DNM3: variants seen among roughly 807,000 people sequenced by gnomAD.
The protein encoded by DNM3 is dynamin 3.
DNM3 carries 47 observed loss-of-function variants against 101.6 expected under a neutral mutation model. That is an observed-to-expected ratio of 0.46 (90% CI 0.37 to 0.59). The LOEUF is 0.59. Ranked by LOEUF, DNM3 falls within the 20% of genes least tolerant of loss-of-function variation. The probability of loss-of-function intolerance (pLI) is 0.00; values close to 1 mark genes in which losing one functional copy is unlikely to be tolerated. For synonymous variants in DNM3, 385 were observed against 387.9 expected (o/e 0.99, Z 0.09); for missense variants, 849 against 1,085.7 (o/e 0.78, Z 3.06).
intron 18 of DNM3, among the ~76,000 whole-genome samples, chr1:172,383,900 A>C (rs2069052612): frequency 6.6e-6 from 1 of 152,216 alleles, no homozygotes; most frequent in Admixed American, 6.5e-5. Context: ...TATAGGTTAT[A>C]AGGTGTTATA....
chr1:171,991,204 A>C (rs2045606717), intron 4 of DNM3, among the ~76,000 whole-genome samples: 1 of 152,176 alleles, frequency 6.6e-6, no homozygotes, highest in African/African-American at 2.4e-5. Flanking sequence ...TCTGCAGCAG[A>C]CATCAGCTAG....
intron 15 of DNM3, among the ~76,000 whole-genome samples, chr1:172,283,703 T>C (rs2063576116): frequency 7.3e-6 from 1 of 137,798 alleles, no homozygotes. Flanking sequence ...GAGGTTGCAG[T>C]GAGCTGAGAT....
At chr1:172,228,529 T>C (rs2061220805) in intron 14 of DNM3, among the ~76,000 whole-genome samples, 1 of 152,156 alleles carries the variant, frequency 6.6e-6, no homozygotes. Context: ...TACTTTTGTT[T>C]TCTTTGGTTA....
intron 1 of DNM3, among the ~76,000 whole-genome samples, chr1:171,881,276 A>G (rs1488324162): frequency 6.6e-6 from 1 of 152,168 alleles, no homozygotes; most frequent in Non-Finnish European, 1.5e-5. Flanking sequence ...CCTTTTTAGG[A>G]CATAGTTAAA....
chr1:172,163,944 C>CAT (rs2058648121), intron 14 of DNM3, among the ~76,000 whole-genome samples: 1 of 132,606 alleles, frequency 7.5e-6, no homozygotes, highest in South Asian at 2.4e-4. Context: ...TATACACATG[C>CAT]ATACATATAT....
intron 14 of DNM3, among the ~76,000 whole-genome samples, chr1:172,135,756 T>C (rs539161921): frequency 6.6e-6 from 1 of 152,192 alleles, no homozygotes; most frequent in Non-Finnish European, 1.5e-5. Flanking sequence ...AAAATCAGAC[T>C]TGAAAAAAAT....
At chr1:172,353,032 T>C (rs1391245472) in intron 17 of DNM3, among the ~76,000 whole-genome samples, 1 of 152,110 alleles carries the variant, frequency 6.6e-6, no homozygotes, top group Non-Finnish European at 1.5e-5. Flanking sequence ...AATCCCCACC[T>C]CAAGGTATTC....
Position 172,407,809 on chromosome 1 carries a change from A to G in DNM3, c.2560A>G (p.Ile854Val), listed in dbSNP as rs773860682. 16 of 1,613,236 alleles carry G rather than the reference A, an allele frequency of 9.9e-6. No individual in the cohort carries two copies. Among genetic ancestry groups the G allele is most frequent in the Non-Finnish European group, 1.3e-5 (15 of 1,179,352 alleles). The change falls in exon 21 of 21, where the codon ATC becomes GTC. Residue 854 changes from isoleucine (I) to valine (V), a missense_variant. Physicochemically the swap from Ile to Val is conservative, Grantham distance 29. This residue lies in a region of DNM3 where 256 missense variants were observed against 311.7 expected (regional missense o/e 0.82). Coordinates refer to ENST00000627582, the MANE Select transcript of DNM3 (RefSeq NM_015569.5). Reference protein sequence around the residue: ...PPPSPTRPTIIRPLESSLLD With the variant: ...PPPSPTRPTIVRPLESSLLD ...CCCATCACCAACTCGTCCCACTATAATCCGCCCACTAGAATCCTCCCTGTT... is the reference window on the plus strand; with the variant it reads ...CCCATCACCAACTCGTCCCACTATAGTCCGCCCACTAGAATCCTCCCTGTT...
At chr1:172,213,399 G>C (rs1247445317) in intron 14 of DNM3, among the ~76,000 whole-genome samples, 1 of 150,834 alleles carries the variant, frequency 6.6e-6, no homozygotes, top group Admixed American at 6.6e-5. Context: ...TCTGTTTCTT[G>C]ATCTGGATGT....
At position 172,154,013 on chromosome 1, in the gene DNM3, C is replaced by T. The variant is rs764657512; in HGVS notation, c.1659+22725C>T. On this transcript the variant is annotated intron_variant, in intron 14 of 20. Transcript: ENST00000627582. ...GACCTTATCGTCTGTTCCATTCATT[C>T]GTTCATTCATTCGTTGCTTGTGACC... Among the ~76,000 whole-genome samples the T allele has an allele frequency of 2.6e-4, 39 of 151,572 alleles. No homozygotes were observed. The Middle Eastern group carries it at 0.01, about 40-fold the overall frequency.
Position 172,160,373 on chromosome 1 carries a change from TA to T in DNM3, c.1659+29093del, listed in dbSNP as rs568743101. On this transcript the variant is annotated intron_variant, in intron 14 of 20. Transcript: ENST00000627582. ...TTGAAACACAGACATTTAACAACTG[TA>T]AAAAAAATTTCTTTTTTAATATCCT... 2.2e-3 allele frequency among the ~76,000 whole-genome samples: 334 copies of T among 152,156 alleles called. 2 individuals are homozygous for T. Among genetic ancestry groups the T allele is most frequent in the African/African-American group, 7.0e-3 (292 of 41,538 alleles).
intron 17 of DNM3, among the ~76,000 whole-genome samples, chr1:172,375,520 G>A (rs1005643710): frequency 4.6e-5 from 7 of 151,972 alleles, no homozygotes; most frequent in South Asian, 2.1e-4. Context: ...TGTTTTCATC[G>A]TGATGACCTG....
At chr1:172,003,645 A>G (rs1272004139) in intron 4 of DNM3, among the ~76,000 whole-genome samples, 1 of 151,484 alleles carries the variant, frequency 6.6e-6, no homozygotes, top group Non-Finnish European at 1.5e-5. Flanking sequence ...AAGAAAAACT[A>G]TTTTTTTCCA....
chr1:171,906,011 G>T (rs2038797601), intron 1 of DNM3, among the ~76,000 whole-genome samples: 1 of 152,130 alleles, frequency 6.6e-6, no homozygotes, highest in Admixed American at 6.5e-5. Context: ...GCAGTTACTA[G>T]ATTGTTTAGC....
intron 12 of DNM3, among the ~76,000 whole-genome samples, chr1:172,090,096 T>G (rs1029987208): frequency 6.6e-6 from 1 of 152,260 alleles, no homozygotes; most frequent in East Asian, 1.9e-4. Context: ...GATACATAAT[T>G]TTAGGGTCTA....
chr1:172,049,319 G>A (rs1269717763), intron 10 of DNM3, among the ~76,000 whole-genome samples: 1 of 152,118 alleles, frequency 6.6e-6, no homozygotes, highest in African/African-American at 2.4e-5. Flanking sequence ...GGATGATGAT[G>A]ATAATAGTAA....
chr1:171,918,568 G>T (rs1427226704), intron 1 of DNM3, among the ~76,000 whole-genome samples: 2 of 152,206 alleles, frequency 1.3e-5, no homozygotes, highest in Admixed American at 1.3e-4. Flanking sequence ...AGAGATGCCT[G>T]TGAAACAGGA....
At chr1:172,133,798 A>G (rs972945416) in intron 14 of DNM3, among the ~76,000 whole-genome samples, 10 of 152,144 alleles carry the variant, frequency 6.6e-5, no homozygotes, top group African/African-American at 2.2e-4. Flanking sequence ...CAGTAAGTAT[A>G]AAAACCCTGG....
At chr1:171,890,610 ATTAAG>A (rs1418004265) in intron 1 of DNM3, among the ~76,000 whole-genome samples, 1 of 152,202 alleles carries the variant, frequency 6.6e-6, no homozygotes, top group East Asian at 1.9e-4. Context: ...AAAAGATATC[ATTAAG>A]TTGTTTTTTT....
Sources: allele counts gnomAD v4.1 joint callset (sites outside exome capture counted in the v4.1 genomes callset), GRCh38; gene constraint gnomAD v4.1.1; regional missense constraint gnomAD v4.1.1; transcripts MANE v1.5; gene names NCBI Gene and HGNC (gene_info 2026-07-23, HGNC 2026-07-21).